The following MICAL2 variants were observed in gnomAD, a reference collection of about 807,000 sequenced individuals.
The protein encoded by MICAL2 is microtubule associated monooxygenase, calponin and LIM domain containing 2.
In MICAL2, 77 loss-of-function variants were observed where a neutral mutation model predicts 127.3. The ratio of observed to expected loss-of-function variants is 0.60; its 90% CI spans 0.50 to 0.73. The LOEUF (loss-of-function observed/expected upper bound fraction) is 0.73, where lower values mean the gene tolerates loss of function less well. Among genes scored for constraint, MICAL2 ranks in the 30% least tolerant of loss-of-function variants. The pLI, the probability that MICAL2 is intolerant of heterozygous loss-of-function variation, is 0.00. For missense variants in MICAL2, 1,351 were observed against 1,434.4 expected, an observed-to-expected ratio of 0.94 and a Z score of 0.94; for synonymous variants, 570 against 551.1, an observed-to-expected ratio of 1.03 and a Z score of -0.48.
intron 3 of MICAL2, among the ~76,000 whole-genome samples, chr11:12,170,261 G>A (rs1856074465): frequency 6.6e-6 from 1 of 152,032 alleles, no homozygotes; most frequent in African/African-American, 2.4e-5. Context: ...ACCAGCCCGG[G>A]CAATATGGCA....
rs555962819 is a variant in MICAL2, at chr11:12,347,951, C to T, written c.5516-1887C>T. Among the ~76,000 whole-genome samples, 25 of 152,096 alleles carry T rather than the reference C, an allele frequency of 1.6e-4. No homozygotes were observed. The East Asian group carries it at 3.9e-3, about 24-fold the overall frequency. On this transcript the variant is annotated intron_variant, in intron 32 of 34. Coordinates refer to the MICAL2 transcript ENST00000646065. ...AGAGGACCATCTGAGGCCAGGAGTTCGAGACCATCCTGGCCAACGTGGTGA... is the reference window on the plus strand; with the variant it reads ...AGAGGACCATCTGAGGCCAGGAGTTTGAGACCATCCTGGCCAACGTGGTGA...
chr11:12,337,837 G>A (rs917283575), intron 32 of MICAL2, among the ~76,000 whole-genome samples: 7 of 152,258 alleles, frequency 4.6e-5, no homozygotes, highest in African/African-American at 1.7e-4. Context: ...TATAATTTCT[G>A]TTCTTTTACA....
downstream of MICAL2, among the ~76,000 whole-genome samples, chr11:12,288,484 A>G (rs753448332): frequency 4.1e-4 from 62 of 152,308 alleles, no homozygotes; most frequent in Middle Eastern, 3.4e-3. Context: ...TGCAGGAGCA[A>G]GAGGACTGCT....
chr11:12,326,719 C>T (rs1864356982), intron 31 of MICAL2, among the ~76,000 whole-genome samples: 2 of 152,348 alleles, frequency 1.3e-5, no homozygotes, highest in South Asian at 2.1e-4. Flanking sequence ...TCCAGACTGA[C>T]TCCTTGGGAG....
chr11:12,150,070 A>T (rs1853405532), intron 2 of MICAL2, among the ~76,000 whole-genome samples: 1 of 152,122 alleles, frequency 6.6e-6, no homozygotes, highest in African/African-American at 2.4e-5. Flanking sequence ...TTGATGGATG[A>T]GTGGGAGGTG....
At chr11:12,173,948 T>C (rs1200030730) in intron 3 of MICAL2, among the ~76,000 whole-genome samples, 1 of 152,236 alleles carries the variant, frequency 6.6e-6, no homozygotes, top group Non-Finnish European at 1.5e-5. Context: ...ATGTAATCAC[T>C]GTGAAATTAT....
chr11:12,316,545 T>G (rs1166815952), intron 29 of MICAL2, among the ~76,000 whole-genome samples: 12 of 151,792 alleles, frequency 7.9e-5, no homozygotes, highest in African/African-American at 2.7e-4. Context: ...ATTATAATAG[T>G]TTTTTTTGGT....
intron 18 of MICAL2, among the ~76,000 whole-genome samples, chr11:12,241,554 C>T (rs1267893171): frequency 6.6e-6 from 1 of 152,180 alleles, no homozygotes; most frequent in Non-Finnish European, 1.5e-5. Flanking sequence ...TGGCTGGACC[C>T]ATTGAAGGGG....
intron 33 of MICAL2, among the ~76,000 whole-genome samples, chr11:12,353,358 C>T (rs1939082500): frequency 6.6e-6 from 1 of 152,230 alleles, no homozygotes; most frequent in Non-Finnish European, 1.5e-5. Context: ...TGTGCTGGTG[C>T]ACTTCTTGTT....
chr11:12,173,236 G>C (rs1856479148), intron 3 of MICAL2, among the ~76,000 whole-genome samples: 1 of 152,188 alleles, frequency 6.6e-6, no homozygotes, highest in East Asian at 1.9e-4. Context: ...TAAATACAGG[G>C]TAGCGAGCTA....
At position 12,113,839 on chromosome 11, in the gene MICAL2, AG is replaced by A. The variant is rs141139439; in HGVS notation, c.-149+3120del. Among the ~76,000 whole-genome samples the A allele has an allele frequency of 4.7e-3, 709 of 151,982 alleles. 2 individuals carry two copies. The highest frequency in any genetic ancestry group is 0.016 in the African/African-American group (658 of 41,404). On this transcript the variant is annotated intron_variant, in intron 1 of 27. Transcript: ENST00000683283. ...TCTTGGGATGTATCTCCCTGAGATGAGGGGGGGCTACAGTACTTACCCTTTC... is the reference window on the plus strand; with the variant it reads ...TCTTGGGATGTATCTCCCTGAGATGAGGGGGGCTACAGTACTTACCCTTTC...
chr11:12,215,877 A>G (rs1295723680), intron 7 of MICAL2, among the ~76,000 whole-genome samples: 1 of 152,208 alleles, frequency 6.6e-6, no homozygotes, highest in Non-Finnish European at 1.5e-5. Context: ...GCTGGGGTTC[A>G]AATCCCAGCC....
chr11:12,199,585 C>G (rs1185518481), intron 3 of MICAL2, among the ~76,000 whole-genome samples: 1 of 152,124 alleles, frequency 6.6e-6, no homozygotes, highest in Non-Finnish European at 1.5e-5. Context: ...GCACACTTGC[C>G]CACTTGTAGG....
chr11:12,266,114 AAAG>A (rs1263663005), downstream of MICAL2, among the ~76,000 whole-genome samples: 2 of 152,226 alleles, frequency 1.3e-5, no homozygotes, highest in Non-Finnish European at 2.9e-5. Flanking sequence ...TCTGTCTCAA[AAAG>A]AAAATAATAA....
intron 33 of MICAL2, chr11:12,350,083 C>T: frequency 1.6e-6 from 1 of 623,522 alleles, no homozygotes; most frequent in South Asian, 1.9e-5. Context: ...TTATGTCTTG[C>T]ATATCATGCT....
At position 12,132,991 on chromosome 11, in the gene MICAL2, C is replaced by T. The variant is rs1851545118; in HGVS notation, c.-148-5399C>T. On this transcript the variant is annotated intron_variant, in intron 1 of 27. Transcript: ENST00000683283. ...TCATTTGTGTGTTCATCTCATGGCC[C>T]ATGCTGCAGGAGAGGTGGGTGGTTG... Among the ~76,000 whole-genome samples, 4 of 152,174 alleles carry T rather than the reference C, an allele frequency of 2.6e-5. No homozygotes were observed. The South Asian group carries it at 8.3e-4, about 32-fold the overall frequency.
chr11:12,342,013 T>C (rs1938875278), intron 32 of MICAL2, among the ~76,000 whole-genome samples: 1 of 152,148 alleles, frequency 6.6e-6, no homozygotes, highest in Admixed American at 6.5e-5. Flanking sequence ...AGTCACTTTG[T>C]GTTGGGTTTT....
intron 2 of MICAL2, among the ~76,000 whole-genome samples, chr11:12,143,507 G>A (rs911640789): frequency 2.0e-5 from 3 of 152,222 alleles, no homozygotes; most frequent in Admixed American, 6.5e-5. Context: ...AGGAACTTCT[G>A]CTGGGGGCTC....
At chr11:12,229,281 G>C (rs1050553111) in intron 15 of MICAL2, among the ~76,000 whole-genome samples, 7 of 152,200 alleles carry the variant, frequency 4.6e-5, no homozygotes, top group Non-Finnish European at 7.4e-5. Context: ...CAAGGCCTTA[G>C]CTGGGCAAGG....
Sources: gnomAD v4.1 joint callset for allele counts (sites outside exome capture counted in the v4.1 genomes callset) on GRCh38, gnomAD v4.1.1 for gene constraint, MANE v1.5 for transcripts, NCBI Gene and HGNC (gene_info 2026-07-23, HGNC 2026-07-21) for gene names.